The following UGT2A1 variants were observed in gnomAD, a reference collection of about 807,000 sequenced individuals.
UGT2A1 encodes the protein UDP-glucuronosyltransferase 2A1.
UGT2A1 carries 61 observed loss-of-function variants against 45.4 expected under a neutral mutation model. The observed-to-expected ratio is 1.34, with a 90% CI of 1.09 to 1.66. UGT2A1 has a LOEUF of 1.66. Ranked by LOEUF, UGT2A1 falls within the 40% of genes most tolerant of loss-of-function variation. UGT2A1 has a pLI of 0.00. For synonymous variants in UGT2A1, 229 were observed against 196.2 expected (o/e 1.17, Z -1.40); for missense variants, 649 against 574.3 (o/e 1.13, Z -1.33).
intron 6 of UGT2A1, among the ~76,000 whole-genome samples, 171 bp from the exon 7 acceptor site, chr4:69,589,822 GGAAGATATGGAT>G (rs1718487742): frequency 6.6e-6 from 1 of 152,122 alleles, no homozygotes; most frequent in South Asian, 2.1e-4. Flanking sequence ...GTTACAAAAA[GGAAGATATGGAT>G]GAAATATATG....
intron 1 of UGT2A1, among the ~76,000 whole-genome samples, chr4:69,648,225 A>G (rs1446418621): frequency 6.7e-6 from 1 of 148,542 alleles, no homozygotes; most frequent in Admixed American, 6.7e-5. Context: ...AAATTCAAAT[A>G]ATACTTATAA....
chr4:69,647,130 C>G lies in UGT2A1; in HGVS notation c.515G>C (p.Arg172Thr). The change falls in exon 2 of 7, where the codon AGG becomes ACG. Residue 172 changes from arginine to threonine, a missense_variant. By Grantham distance (71) the Arg-to-Thr change is moderately conservative (BLOSUM62 -1). Coordinates refer to ENST00000286604, the MANE Select transcript of UGT2A1 (RefSeq NM_001252275.3). Reference protein sequence around the residue: ...KLGIPFMYSLRFSPASTVEKH... With the variant: ...KLGIPFMYSLTFSPASTVEKH... The stretch of plus-strand genomic sequence containing the variant: ...TTCCACTGTTGAGGCTGGAGAAAAC[C>G]TCAAGGAGTACATAAATGGAATTCC... The G allele has an allele frequency of 6.2e-7, 1 of 1,612,872 alleles. No individual in the cohort carries two copies. Among genetic ancestry groups the G allele is most frequent in the South Asian group, 1.1e-5 (1 of 90,984 alleles).
chr4:69,631,879 T>A (rs989571181), intron 3 of UGT2A1, among the ~76,000 whole-genome samples: 4 of 152,070 alleles, frequency 2.6e-5, no homozygotes, highest in Non-Finnish European at 5.9e-5. Flanking sequence ...AGGCTACCAC[T>A]TCACACTACT....
intron 3 of UGT2A1, among the ~76,000 whole-genome samples, chr4:69,613,427 A>G (rs777869440): frequency 1.3e-5 from 2 of 152,004 alleles, no homozygotes; most frequent in Non-Finnish European, 2.9e-5. Context: ...TGTCAATTCT[A>G]CTGAAACTAT....
At chr4:69,638,640 G>T (rs548386511) in intron 2 of UGT2A1, among the ~76,000 whole-genome samples, 7 of 152,196 alleles carry the variant, frequency 4.6e-5, no homozygotes, top group African/African-American at 1.7e-4. Context: ...TTTTGAAATT[G>T]ATTTATACAT....
chr4:69,614,897 G>C (rs1245722098), intron 3 of UGT2A1, among the ~76,000 whole-genome samples: 1 of 152,074 alleles, frequency 6.6e-6, no homozygotes, highest in African/African-American at 2.4e-5. Flanking sequence ...GCATGGTTGG[G>C]AGGCCTCAGA....
intron 3 of UGT2A1, among the ~76,000 whole-genome samples, chr4:69,626,075 C>T (rs921716406): frequency 6.6e-6 from 1 of 151,294 alleles, no homozygotes; most frequent in South Asian, 2.1e-4. Flanking sequence ...CTATTTGTTG[C>T]TCTCAGTCAT....
chr4:69,633,438 C>T (rs1721498180), intron 3 of UGT2A1, among the ~76,000 whole-genome samples: 1 of 152,148 alleles, frequency 6.6e-6, no homozygotes, highest in African/African-American at 2.4e-5. Context: ...GTCAATTCCA[C>T]TCTCACGAAT....
intron 2 of UGT2A1, among the ~76,000 whole-genome samples, chr4:69,641,918 A>T (rs186414598): frequency 1.3e-5 from 2 of 151,722 alleles, no homozygotes; most frequent in African/African-American, 4.8e-5. Flanking sequence ...AAATGATCAA[A>T]TTAATCCGAT....
chr4:69,607,055 T>G (rs78553675), intron 3 of UGT2A1, among the ~76,000 whole-genome samples: 1 of 116,274 alleles, frequency 8.6e-6, no homozygotes, highest in Non-Finnish European at 1.8e-5. Context: ...CTTCACAGAA[T>G]TGGAAAAAAC....
intron 3 of UGT2A1, among the ~76,000 whole-genome samples, chr4:69,613,217 C>A (rs1188495825): frequency 1.3e-5 from 2 of 151,630 alleles, no homozygotes; most frequent in African/African-American, 2.4e-5. Flanking sequence ...GACATATAGA[C>A]CAATGGAATA....
rs553449487 is a variant in UGT2A1 at position 69,652,567 on chromosome 4, G to A, written c.-55+621C>T. On this transcript the variant is annotated intron_variant, in intron 1 of 6. Transcript: ENST00000286604. ...ATTACAGGGGTGAGCCACCGCGCCT[G>A]GCCATTATTTTCTTTTTTTAATAAA... 4.6e-5 allele frequency among the ~76,000 whole-genome samples: 7 copies of A among 151,532 alleles called. No individual in the cohort carries two copies. The South Asian group carries it at 1.5e-3, about 32-fold the overall frequency.
intron 2 of UGT2A1, among the ~76,000 whole-genome samples, chr4:69,642,881 T>C (rs932565171): frequency 6.6e-6 from 1 of 151,556 alleles, no homozygotes; most frequent in Non-Finnish European, 1.5e-5. Context: ...GCTTATGGAT[T>C]ATAAGTATTT....
At chr4:69,593,967 C>CTTTTTTTTTTTTT (rs200066453) in intron 6 of UGT2A1, among the ~76,000 whole-genome samples, 9 of 107,816 alleles carry the variant, frequency 8.3e-5, no homozygotes, top group East Asian at 3.3e-4. Context: ...TATTTGAAGT[C>CTTTTTTTTTTTTT]TTTTTTTTTG....
At chr4:69,607,629 G>A (rs888096955) in intron 3 of UGT2A1, among the ~76,000 whole-genome samples, 2 of 152,126 alleles carry the variant, frequency 1.3e-5, no homozygotes, top group African/African-American at 4.8e-5. Context: ...AGAGTGAACA[G>A]GCAACCTACA....
chr4:69,640,880 ATAATCT>A (rs1269729163), intron 2 of UGT2A1, among the ~76,000 whole-genome samples: 1 of 151,898 alleles, frequency 6.6e-6, no homozygotes, highest in Admixed American at 6.6e-5. Flanking sequence ...AAGAGTGTAA[ATAATCT>A]TAATGGTCTT....
intron 1 of UGT2A1, among the ~76,000 whole-genome samples, chr4:69,650,500 A>C (rs978265732): frequency 1.3e-5 from 2 of 152,184 alleles, no homozygotes; most frequent in South Asian, 4.2e-4. Context: ...ATTTTCTCAT[A>C]TATAAAATGA....
intron 1 of UGT2A1, among the ~76,000 whole-genome samples, chr4:69,652,057 C>A (rs955917634): frequency 1.3e-5 from 2 of 152,140 alleles, no homozygotes; most frequent in African/African-American, 2.4e-5. Context: ...CGCTCCTGCT[C>A]TGAAACTCCC....
intron 3 of UGT2A1, among the ~76,000 whole-genome samples, chr4:69,610,613 C>T (rs1029762523): frequency 1.3e-5 from 2 of 152,060 alleles, no homozygotes; most frequent in Non-Finnish European, 1.5e-5. Flanking sequence ...GAAGATAAGG[C>T]CTTTAGAGAT....
Sources: gnomAD v4.1 joint callset for allele counts (sites outside exome capture counted in the v4.1 genomes callset) on GRCh38, gnomAD v4.1.1 for gene constraint, MANE v1.5 for transcripts, NCBI Gene and HGNC (gene_info 2026-07-23, HGNC 2026-07-21) for gene names.